The following KCND2 variants were observed in gnomAD, a reference collection of about 807,000 sequenced individuals.
KCND2 encodes A-type voltage-gated potassium channel KCND2.
Under a neutral mutation model 54.4 loss-of-function variants are expected in KCND2, and 16 were observed. The ratio of observed to expected loss-of-function variants is 0.29; its 90% CI spans 0.20 to 0.45. The LOEUF (loss-of-function observed/expected upper bound fraction) is 0.45. Among genes scored for constraint, KCND2 ranks in the 20% least tolerant of loss-of-function variants. KCND2 has a pLI of 1.00. For synonymous variants in KCND2, 317 were observed against 310.7 expected (o/e 1.02, Z -0.21); for missense variants, 486 against 824.2 (o/e 0.59, Z 5.02).
intron 1 of KCND2, among the ~76,000 whole-genome samples, chr7:120,680,050 A>T (rs1792119802): frequency 6.6e-6 from 1 of 152,130 alleles, no homozygotes; most frequent in Non-Finnish European, 1.5e-5. Context: ...TTTAGAGATG[A>T]TTAATTTGCA....
At chr7:120,477,315 C>A (rs1802547107) in intron 1 of KCND2, among the ~76,000 whole-genome samples, 1 of 152,074 alleles carries the variant, frequency 6.6e-6, no homozygotes, top group Admixed American at 6.6e-5. Flanking sequence ...AATGTAGCTT[C>A]CTCAGTCGTC....
intron 1 of KCND2, among the ~76,000 whole-genome samples, chr7:120,458,333 G>A (rs917942842): frequency 2.0e-5 from 3 of 152,168 alleles, no homozygotes; most frequent in Non-Finnish European, 4.4e-5. Context: ...GAAGAAGCAA[G>A]TATTTAACAT....
chr7:120,659,644 C>T (rs935710447), intron 1 of KCND2, among the ~76,000 whole-genome samples: 1 of 152,138 alleles, frequency 6.6e-6, no homozygotes, highest in African/African-American at 2.4e-5. Flanking sequence ...CAACTGTCCT[C>T]TTATGACAAT....
intron 1 of KCND2, among the ~76,000 whole-genome samples, chr7:120,451,931 C>G (rs961872509): frequency 6.6e-6 from 1 of 152,208 alleles, no homozygotes; most frequent in Non-Finnish European, 1.5e-5. Flanking sequence ...CTTTAGCACT[C>G]TTCCTGTTTT....
At chr7:120,459,826 T>C (rs1185824965) in intron 1 of KCND2, among the ~76,000 whole-genome samples, 1 of 152,230 alleles carries the variant, frequency 6.6e-6, no homozygotes, top group Non-Finnish European at 1.5e-5. Flanking sequence ...TGTATTTCTA[T>C]CCTCATCCCT....
At position 120,274,517 on chromosome 7, in the gene KCND2, TG is replaced by T; in HGVS notation, c.-114del. 1 of 1,182,646 alleles carries T rather than the reference TG, an allele frequency of 8.5e-7. No individual in the cohort carries two copies. The highest frequency in any genetic ancestry group is 1.5e-5 in the African/African-American group (1 of 66,460). 73.3% of individuals were successfully genotyped at this position (1,182,646 alleles called of 1,614,324 possible). ...TATCTTGGAATAAGAGTTACACCTC[TG>T]GACCACGTTTCTCACTAGTACTTTG... On this transcript the variant is annotated 5_prime_UTR_variant, in exon 1 of 6. Transcript: ENST00000331113.
Position 120,658,866 on chromosome 7 carries a change from G to A in KCND2, c.1116-74037G>A, listed in dbSNP as rs1282806129. 2.6e-5 allele frequency among the ~76,000 whole-genome samples: 4 copies of A among 152,182 alleles called. No homozygotes were observed. The East Asian group carries it at 7.7e-4, about 29-fold the overall frequency. ...CCCACATTAATTCAACAATTATGAAGCGTGTTAGGCACTGTGGGATTGGTC... is the reference window on the plus strand; with the variant it reads ...CCCACATTAATTCAACAATTATGAAACGTGTTAGGCACTGTGGGATTGGTC... On this transcript the variant is annotated intron_variant, in intron 1 of 5. Transcript: ENST00000331113.
At chr7:120,518,550 G>A (rs1423312998) in intron 1 of KCND2, among the ~76,000 whole-genome samples, 7 of 152,068 alleles carry the variant, frequency 4.6e-5, no homozygotes, top group Non-Finnish European at 1.0e-4. Flanking sequence ...TGAGATTCAA[G>A]AATAAAGTTA....
At chr7:120,522,267 G>A (rs944001504) in intron 1 of KCND2, among the ~76,000 whole-genome samples, 8 of 152,254 alleles carry the variant, frequency 5.3e-5, no homozygotes, top group African/African-American at 1.7e-4. Context: ...AAGGTCTTGT[G>A]TAAGCACGAT....
At chr7:120,304,726 T>C (rs1799626786) in intron 1 of KCND2, among the ~76,000 whole-genome samples, 1 of 152,312 alleles carries the variant, frequency 6.6e-6, no homozygotes, top group South Asian at 2.1e-4. Flanking sequence ...CTCTCTCTAT[T>C]CCTCCCTTTC....
intron 1 of KCND2, among the ~76,000 whole-genome samples, chr7:120,432,412 G>A (rs1230440402): frequency 6.6e-6 from 1 of 152,050 alleles, no homozygotes; most frequent in Non-Finnish European, 1.5e-5. Flanking sequence ...GTCTAGCATT[G>A]TGTGGATAAT....
intron 1 of KCND2, among the ~76,000 whole-genome samples, chr7:120,495,497 A>G (rs557468102): frequency 6.6e-6 from 1 of 152,308 alleles, no homozygotes; most frequent in East Asian, 1.9e-4. Context: ...CTGACCCAGA[A>G]CTATGCAGGT....
chr7:120,706,996 G>A (rs767850335), intron 1 of KCND2, among the ~76,000 whole-genome samples: 7 of 152,080 alleles, frequency 4.6e-5, no homozygotes, highest in Non-Finnish European at 8.8e-5. Flanking sequence ...TTTTCACCAT[G>A]TGTAGTACTA....
At chr7:120,734,837 C>G (rs1792850776) in intron 2 of KCND2, among the ~76,000 whole-genome samples, 1 of 152,052 alleles carries the variant, frequency 6.6e-6, no homozygotes. Flanking sequence ...TCATGAGAGA[C>G]TTTGATATAG....
chr7:120,518,046 T>C (rs1435575541), intron 1 of KCND2, among the ~76,000 whole-genome samples: 2 of 152,156 alleles, frequency 1.3e-5, no homozygotes, highest in African/African-American at 4.8e-5. Flanking sequence ...TATACAGTTA[T>C]TCATACCTGA....
At chr7:120,537,975 A>G (rs540040066) in intron 1 of KCND2, among the ~76,000 whole-genome samples, 2 of 152,272 alleles carry the variant, frequency 1.3e-5, no homozygotes, top group South Asian at 4.1e-4. Flanking sequence ...TTTCTTCAGG[A>G]TCTTTTCCTT....
intron 1 of KCND2, among the ~76,000 whole-genome samples, chr7:120,489,131 T>A (rs1802734952): frequency 6.6e-6 from 1 of 152,108 alleles, no homozygotes; most frequent in Non-Finnish European, 1.5e-5. Flanking sequence ...TTCAGAATAG[T>A]TTATATTTGT....
rs537321615 is a variant in KCND2 at position 120,663,906 on chromosome 7, G to A, written c.1116-68997G>A. Reference sequence around the variant, plus strand: ...CAGTTAATATTCTAGGCACATTAGAGTACTTGTGCTCAGTGATTCAATTAT... The same window carrying A: ...CAGTTAATATTCTAGGCACATTAGAATACTTGTGCTCAGTGATTCAATTAT... On this transcript the variant is annotated intron_variant, in intron 1 of 5. Transcript: ENST00000331113. Among the ~76,000 whole-genome samples the A allele has an allele frequency of 2.4e-3, 365 of 152,268 alleles. 3 individuals are homozygous for A. The highest frequency in any genetic ancestry group is 5.0e-3 in the Admixed American group (76 of 15,304).
chr7:120,457,991 T>C (rs1442087701), intron 1 of KCND2, among the ~76,000 whole-genome samples: 3 of 152,150 alleles, frequency 2.0e-5, no homozygotes. Context: ...CACTTCCTTA[T>C]TGATATGGTG....
Sources: allele counts gnomAD v4.1 joint callset (sites outside exome capture counted in the v4.1 genomes callset), GRCh38; gene constraint gnomAD v4.1.1; transcripts MANE v1.5; gene names NCBI Gene and HGNC (gene_info 2026-07-23, HGNC 2026-07-21).